PNPLA4: variants seen among roughly 807,000 people sequenced by gnomAD.
PNPLA4 encodes the protein patatin like domain 4, phospholipase and triacylglycerol lipase.
Under a neutral mutation model 18.3 loss-of-function variants are expected in PNPLA4, and 15 were observed. That is an observed-to-expected ratio of 0.82 (90% CI 0.55 to 1.26). PNPLA4 has a LOEUF of 1.26. Among genes scored for constraint, PNPLA4 ranks in the 50% most tolerant of loss-of-function variants. PNPLA4 has a pLI of 0.00. For synonymous variants in PNPLA4, 88 were observed against 85.6 expected (o/e 1.03, Z -0.16); for missense variants, 229 against 196.8 (o/e 1.16, Z -0.98).
rs146911198 is a variant in PNPLA4 at position 7,915,112 on chromosome X, C to T, written c.412-3019G>A. 2.4e-3 allele frequency among the ~76,000 whole-genome samples: 263 copies of T among 111,483 alleles called. 3 individuals carry two copies. The highest frequency in any genetic ancestry group is 8.4e-3 in the African/African-American group (257 of 30,665). The stretch of plus-strand genomic sequence containing the variant: ...AATTTCCTAAGAAAGGAGATAAAGA[C>T]TGACATTCTAAGGTCATGTAATAAA... On this transcript the variant is annotated intron_variant, in intron 4 of 6. Coordinates refer to ENST00000381042, the MANE Select transcript of PNPLA4 (RefSeq NM_004650.3).
intron 4 of PNPLA4, among the ~76,000 whole-genome samples, chrX:7,919,777 T>C (rs2037078386): frequency 1.8e-5 from 2 of 111,522 alleles, no homozygotes; most frequent in Admixed American, 1.9e-4. Flanking sequence ...GTGGGGTATA[T>C]ATAGTTAGGG....
At chrX:7,914,722 A>G in intron 4 of PNPLA4, among the ~76,000 whole-genome samples, 1 of 110,961 alleles carries the variant, frequency 9.0e-6, no homozygotes, top group Non-Finnish European at 1.9e-5. Flanking sequence ...CAAAAAAATC[A>G]CTAACCTTAG....
At position 7,899,647 on chromosome X, in the gene PNPLA4, G is replaced by C. The variant is rs1429755801; in HGVS notation, c.*1039C>G. 26 of 94,765 alleles carry C rather than the reference G, an allele frequency of 2.7e-4. No homozygotes were observed. In the South Asian group the frequency reaches 6.1e-3, roughly 22 times the overall value. 7.8% of individuals were successfully genotyped at this position (94,765 alleles called of 1,213,427 possible). A position where few individuals can be genotyped will look rare whatever the true frequency, so the allele number is the denominator to read the frequency against. On this transcript the variant is annotated 3_prime_UTR_variant, in exon 7 of 7. Coordinates refer to ENST00000381042, the MANE Select transcript of PNPLA4 (RefSeq NM_004650.3). ...ATGGCGAGAGAGAGAGAGAGAGAGA[G>C]AGAGAGAGAGAGAGAGAGAGAGAGA...
intron 5 of PNPLA4, among the ~76,000 whole-genome samples, chrX:7,902,596 C>T (rs1425439893): frequency 1.8e-5 from 2 of 111,931 alleles, no homozygotes; most frequent in African/African-American, 6.5e-5. Flanking sequence ...CAAAGTGGTT[C>T]CTGTGCTCTT....
chrX:7,912,438 A>G lies in PNPLA4; in HGVS notation c.412-345T>C, dbSNP rs754313197. Among the ~76,000 whole-genome samples the G allele has an allele frequency of 3.6e-5, 4 of 112,383 alleles. No homozygotes were observed. The Admixed American group carries it at 3.8e-4, about 11-fold the overall frequency. ...TATGTAATGTTCCATCATATACTGT[A>G]AAAATCATGTTACAGTTGCACTCCT... On this transcript the variant is annotated intron_variant, in intron 4 of 6. Coordinates refer to ENST00000381042, the MANE Select transcript of PNPLA4 (RefSeq NM_004650.3).
At chrX:7,908,918 T>A (rs1256267436) in intron 5 of PNPLA4, among the ~76,000 whole-genome samples, 1 of 111,594 alleles carries the variant, frequency 9.0e-6, no homozygotes, top group Non-Finnish European at 1.9e-5. Context: ...TATGTCCATG[T>A]CCAAAGTACT....
rs191899287 is a variant in PNPLA4 at position 7,914,051 on chromosome X, G to A, written c.412-1958C>T. Among the ~76,000 whole-genome samples the A allele has an allele frequency of 3.2e-3, 361 of 112,107 alleles. 2 individuals carry two copies. Among genetic ancestry groups the A allele is most frequent in the African/African-American group, 0.011 (353 of 30,861 alleles). ...AATATTGAAAGCATGCTAATTTGCA[G>A]CACTGTTTCCCAAAGGAAAGCATGC... On this transcript the variant is annotated intron_variant, in intron 4 of 6. Coordinates refer to ENST00000381042, the MANE Select transcript of PNPLA4 (RefSeq NM_004650.3).
chrX:7,902,764 G>A (rs921838880), intron 5 of PNPLA4, among the ~76,000 whole-genome samples: 1 of 111,785 alleles, frequency 8.9e-6, no homozygotes, highest in Non-Finnish European at 1.9e-5. Context: ...AAATGAAAGA[G>A]TCTTGGGGCA....
rs768164559 is a variant in PNPLA4 at position 7,902,115 on chromosome X, G to A, written c.504C>T (p.Asn168=). Residue 168 remains asparagine, a synonymous_variant, in exon 6 of 7, where the codon AAC becomes AAT. Coordinates refer to ENST00000381042, the MANE Select transcript of PNPLA4 (RefSeq NM_004650.3). The part of the protein sequence containing the change: ...GQKWVDGGLT[N]ALPILPVGRT... Reference sequence around the variant, plus strand: ...GGCCGACGGGCAGGATGGGAAGAGCGTTGGTGAGGCCTCCGTCCACCCACT... The same window carrying A: ...GGCCGACGGGCAGGATGGGAAGAGCATTGGTGAGGCCTCCGTCCACCCACT... 2.3e-5 allele frequency: 28 copies of A among 1,204,051 alleles called. No individual in the cohort carries two copies. In the East Asian group the frequency reaches 6.0e-4, roughly 26 times the overall value.
At chrX:7,903,873 ATACT>A (rs1200537782) in intron 5 of PNPLA4, among the ~76,000 whole-genome samples, 24 of 111,731 alleles carry the variant, frequency 2.1e-4, no homozygotes, top group African/African-American at 4.6e-4. Flanking sequence ...TGTATTACAC[ATACT>A]TATTTATATG....
intron 2 of PNPLA4, among the ~76,000 whole-genome samples, chrX:7,924,034 T>G (rs1435555096): frequency 8.9e-6 from 1 of 111,749 alleles, no homozygotes; most frequent in African/African-American, 3.3e-5. Flanking sequence ...TTCTTTGTAC[T>G]AATATTAGTT....
At chrX:7,904,393 A>G (rs1923642228) in intron 5 of PNPLA4, among the ~76,000 whole-genome samples, 1 of 112,213 alleles carries the variant, frequency 8.9e-6, no homozygotes, top group South Asian at 3.7e-4. Context: ...TAGATAAATG[A>G]CAAGGGAAAA....
upstream of PNPLA4, chrX:7,927,605 T>C (rs1179059252): frequency 8.8e-6 from 1 of 113,470 alleles, no homozygotes; most frequent in Non-Finnish European, 1.9e-5. Context: ...TAGAGAGACA[T>C]TTTAACCCAC....
intron 4 of PNPLA4, among the ~76,000 whole-genome samples, chrX:7,920,377 A>G (rs1197884878): frequency 8.9e-6 from 1 of 112,003 alleles, no homozygotes; most frequent in Non-Finnish European, 1.9e-5. Context: ...GACACTGTCA[A>G]GTCTACATAA....
chrX:7,905,331 T>C (rs754360194), intron 5 of PNPLA4, among the ~76,000 whole-genome samples: 2 of 112,389 alleles, frequency 1.8e-5, no homozygotes, highest in African/African-American at 3.2e-5. Flanking sequence ...TGGGTAGCTA[T>C]TGAGAACATG....
intron 5 of PNPLA4, among the ~76,000 whole-genome samples, chrX:7,911,470 T>C (rs1923874556): frequency 9.0e-6 from 1 of 110,954 alleles, no homozygotes. Context: ...CATGTCTAAA[T>C]TTCCCTAAAA....
chrX:7,923,467 C>T (rs747893624), intron 2 of PNPLA4, among the ~76,000 whole-genome samples: 1 of 111,757 alleles, frequency 8.9e-6, no homozygotes, highest in African/African-American at 3.3e-5. Context: ...CTCAGTGAGA[C>T]CCTTTTAGAC....
At chrX:7,905,899 T>C (rs183461679) in intron 5 of PNPLA4, among the ~76,000 whole-genome samples, 30 of 112,200 alleles carry the variant, frequency 2.7e-4, no homozygotes, top group Admixed American at 1.2e-3. Context: ...GTTGAGTAGG[T>C]GTGTTGACAG....
At chrX:7,915,587 T>C (rs1924020758) in intron 4 of PNPLA4, among the ~76,000 whole-genome samples, 1 of 111,992 alleles carries the variant, frequency 8.9e-6, no homozygotes, top group African/African-American at 3.2e-5. Flanking sequence ...AAATGAGAGC[T>C]AGTGTCTTCC....
Sources: gnomAD v4.1 joint callset for allele counts (sites outside exome capture counted in the v4.1 genomes callset) on GRCh38, gnomAD v4.1.1 for gene constraint, MANE v1.5 for transcripts, NCBI Gene and HGNC (gene_info 2026-07-23, HGNC 2026-07-21) for gene names.